The following PLEKHM3 variants were observed in gnomAD, a reference collection of about 807,000 sequenced individuals.
PLEKHM3 encodes pleckstrin homology domain containing M3.
A neutral mutation model predicts 81.8 loss-of-function variants in PLEKHM3; 45 were observed. The ratio of observed to expected loss-of-function variants is 0.55; its 90% CI spans 0.43 to 0.71. The LOEUF (loss-of-function observed/expected upper bound fraction) is 0.71, where lower values mean the gene tolerates loss of function less well. Ranked by LOEUF, PLEKHM3 falls within the 30% of genes least tolerant of loss-of-function variation. The pLI, the probability that PLEKHM3 is intolerant of heterozygous loss-of-function variation, is 0.00. For synonymous variants in PLEKHM3, 352 were observed against 356.4 expected, an observed-to-expected ratio of 0.99 and a Z score of 0.14; for missense variants, 788 against 924.3, an observed-to-expected ratio of 0.85 and a Z score of 1.91.
intron 1 of PLEKHM3, among the ~76,000 whole-genome samples, chr2:208,013,534 AG>A (rs1692774466): frequency 6.6e-6 from 1 of 152,082 alleles, no homozygotes; most frequent in African/African-American, 2.4e-5. Flanking sequence ...AAAAAAAAAA[AG>A]AAATCATGCT....
At chr2:207,863,934 A>G (rs2092481948) in intron 6 of PLEKHM3, among the ~76,000 whole-genome samples, 1 of 151,446 alleles carries the variant, frequency 6.6e-6, no homozygotes, top group South Asian at 2.1e-4. Context: ...TATATTAGAA[A>G]AGCAAAAACA....
At position 207,977,375 on chromosome 2, in the gene PLEKHM3, C is replaced by T. The variant is rs1360526011; in HGVS notation, c.822G>A (p.Arg274=). 1 of 1,614,180 alleles carries T rather than the reference C, an allele frequency of 6.2e-7. No homozygotes were observed. Among genetic ancestry groups the T allele is most frequent in the Non-Finnish European group, 8.5e-7 (1 of 1,180,024 alleles). ...SISVLGNLEA[R]MVDTVLYDNT... ...TGTCATACAAAACAGTATCCACCAT[C>T]CTGGCCTCCAGGTTGCCTAAAACAG... The change falls in exon 3 of 8, where the codon AGG becomes AGA. Residue 274 remains arginine, a synonymous_variant. Coordinates refer to ENST00000427836, the MANE Select transcript of PLEKHM3 (RefSeq NM_001080475.3).
intron 6 of PLEKHM3, among the ~76,000 whole-genome samples, chr2:207,869,566 T>C (rs1015052257): frequency 6.6e-6 from 1 of 152,222 alleles, no homozygotes; most frequent in African/African-American, 2.4e-5. Context: ...TTATACTAAC[T>C]GGGTATTCAA....
chr2:207,954,368 C>A (rs1471094764), intron 3 of PLEKHM3, among the ~76,000 whole-genome samples: 1 of 152,054 alleles, frequency 6.6e-6, no homozygotes, highest in East Asian at 1.9e-4. Context: ...AAAACCCTGT[C>A]AACACAACAA....
intron 6 of PLEKHM3, among the ~76,000 whole-genome samples, chr2:207,878,728 C>T (rs1018258497): frequency 1.3e-5 from 2 of 152,170 alleles, no homozygotes; most frequent in Non-Finnish European, 2.9e-5. Flanking sequence ...GTCATGTGCC[C>T]GGGGTTGCCC....
intron 3 of PLEKHM3, among the ~76,000 whole-genome samples, chr2:207,952,103 G>T (rs1416286278): frequency 1.3e-5 from 2 of 152,058 alleles, no homozygotes; most frequent in Non-Finnish European, 2.9e-5. Flanking sequence ...TCTAGGAAAA[G>T]AACAAGGGCA....
chr2:207,968,313 G>A (rs1690991527), intron 3 of PLEKHM3, among the ~76,000 whole-genome samples: 1 of 152,006 alleles, frequency 6.6e-6, no homozygotes, highest in African/African-American at 2.4e-5. Flanking sequence ...TTTGATAGAT[G>A]GTAGCAAAAG....
intron 5 of PLEKHM3, among the ~76,000 whole-genome samples, chr2:207,922,308 A>G (rs1261428223): frequency 6.6e-6 from 1 of 152,208 alleles, no homozygotes; most frequent in East Asian, 1.9e-4. Flanking sequence ...AACAAATAAT[A>G]TATTTAAGGG....
chr2:207,927,610 A>G (rs977227403), intron 5 of PLEKHM3, among the ~76,000 whole-genome samples: 1 of 149,288 alleles, frequency 6.7e-6, no homozygotes, highest in Non-Finnish European at 1.5e-5. Flanking sequence ...CAGGCGGATC[A>G]CCTGAGGTCA....
chr2:207,843,236 A>G lies in PLEKHM3; in HGVS notation c.2109-14740T>C, dbSNP rs6435394. On this transcript the variant is annotated intron_variant, in intron 7 of 7. Transcript: ENST00000427836. The surrounding 1 kb of genome is among the most constrained non-coding windows in gnomAD (Gnocchi z 4.4). Reference sequence around the variant, plus strand: ...AAGTGTTGGCCTCCTTTGGCCTCCCAAAGTGTTGAGCCACCGCACCAGGGG... The same window carrying G: ...AAGTGTTGGCCTCCTTTGGCCTCCCGAAGTGTTGAGCCACCGCACCAGGGG... Among the ~76,000 whole-genome samples the G allele has an allele frequency of 0.27, 40,792 of 151,938 alleles. 5,608 individuals are homozygous for G. Among genetic ancestry groups the G allele is most frequent in the Non-Finnish European group, 0.29 (19,604 of 67,910 alleles).
At chr2:207,894,755 T>C (rs1227637212) in intron 6 of PLEKHM3, among the ~76,000 whole-genome samples, 1 of 152,204 alleles carries the variant, frequency 6.6e-6, no homozygotes. Context: ...CATTCTTCTT[T>C]CTTTTAATAC....
chr2:207,899,912 T>G (rs1438278440), intron 6 of PLEKHM3: 2 of 152,180 alleles, frequency 1.3e-5, no homozygotes, highest in Admixed American at 6.5e-5. Flanking sequence ...GCCAAAATTT[T>G]AACTTACAGT....
At chr2:207,921,817 T>C (rs1437233144) in intron 5 of PLEKHM3, among the ~76,000 whole-genome samples, 2 of 152,238 alleles carry the variant, frequency 1.3e-5, no homozygotes, top group African/African-American at 4.8e-5. Flanking sequence ...GGCTCATCCA[T>C]ATTGCTGTGA....
intron 2 of PLEKHM3, among the ~76,000 whole-genome samples, chr2:207,978,910 T>G (rs1691421393): frequency 6.6e-6 from 1 of 152,180 alleles, no homozygotes; most frequent in Non-Finnish European, 1.5e-5. Context: ...AGTCTTAAAT[T>G]TTTTTTAAGG....
In PLEKHM3 at chr2:207,908,604, G is replaced by T; in HGVS notation, c.1887-27C>A. The stretch of plus-strand genomic sequence containing the variant: ...TGAAAACAAGGGCAGATAGACAAGT[G>T]AACTGTGGTGCTGCCATAACACACA... On this transcript the variant is annotated intron_variant, in intron 5 of 7. Coordinates refer to ENST00000427836, the MANE Select transcript of PLEKHM3 (RefSeq NM_001080475.3). 3 of 1,564,368 alleles carry T rather than the reference G, an allele frequency of 1.9e-6. No homozygotes were observed. The South Asian group carries it at 3.4e-5, about 18-fold the overall frequency.
At chr2:207,865,800 AAAGATAT>A (rs1182244912) in intron 6 of PLEKHM3, among the ~76,000 whole-genome samples, 7 of 44,198 alleles carry the variant, frequency 1.6e-4, no homozygotes, top group African/African-American at 1.1e-3. Context: ...AAAAAAAAAA[AAAGATAT>A]ATATATATAT....
intron 3 of PLEKHM3, among the ~76,000 whole-genome samples, chr2:207,963,864 G>A (rs1156707559): frequency 6.6e-6 from 1 of 152,164 alleles, no homozygotes; most frequent in Non-Finnish European, 1.5e-5. Context: ...AATAGTTAAA[G>A]GAAATGTGCC....
rs376505120 is a variant in PLEKHM3 at position 207,906,195 on chromosome 2, CTG to C, written c.1950+2317_1950+2318del. On this transcript the variant is annotated intron_variant, in intron 6 of 7. Transcript: ENST00000427836. ...AAACATACTTCTCAAATGATAGAGT[CTG>C]TGTCCTCAGGCACTACGATCAGGTA... is the stretch of plus-strand genomic sequence containing the variant. 3.0e-3 allele frequency among the ~76,000 whole-genome samples: 458 copies of C among 152,330 alleles called. 6 individuals carry two copies. The highest frequency in any genetic ancestry group is 0.011 in the African/African-American group (437 of 41,578).
intron 3 of PLEKHM3, among the ~76,000 whole-genome samples, chr2:207,953,323 A>G (rs1690396933): frequency 6.6e-6 from 1 of 152,220 alleles, no homozygotes; most frequent in African/African-American, 2.4e-5. Context: ...ACATGCTCAA[A>G]TACAATCCTG....
Sources: allele counts gnomAD v4.1 joint callset (sites outside exome capture counted in the v4.1 genomes callset), GRCh38; gene constraint gnomAD v4.1.1; non-coding constraint Gnocchi (gnomAD v3.1); transcripts MANE v1.5; gene names NCBI Gene and HGNC (gene_info 2026-07-23, HGNC 2026-07-21).